RC3H1: variants seen among roughly 807,000 people sequenced by gnomAD.
RC3H1 encodes roquin-1.
RC3H1 carries 50 observed loss-of-function variants against 138.2 expected under a neutral mutation model. That is an observed-to-expected ratio of 0.36 (90% CI 0.29 to 0.46). The LOEUF (loss-of-function observed/expected upper bound fraction) is 0.46. RC3H1 is among the 20% of genes least tolerant of loss of function. The pLI, the probability that RC3H1 is intolerant of heterozygous loss-of-function variation, is 1.00. For missense variants in RC3H1, 1,031 were observed against 1,388.1 expected (o/e 0.74, Z 4.09); for synonymous variants, 462 against 489.1 (o/e 0.94, Z 0.73).
chr1:173,965,554 G>T (rs1317976825), intron 9 of RC3H1, among the ~76,000 whole-genome samples: 1 of 151,994 alleles, frequency 6.6e-6, no homozygotes, highest in East Asian at 1.9e-4. Flanking sequence ...TCACACCACT[G>T]AACTCCAGCC....
chr1:173,956,380 T>C (rs556327554), intron 13 of RC3H1, among the ~76,000 whole-genome samples: 69 of 152,208 alleles, frequency 4.5e-4, no homozygotes, highest in African/African-American at 1.5e-3. Context: ...CCTGCTTTCA[T>C]CATTGCATAT....
rs532350300 is a variant in RC3H1 at position 173,949,969 on chromosome 1, C to T, written c.2523+2017G>A. On this transcript the variant is annotated intron_variant, in intron 14 of 19. Transcript: ENST00000367696. ...AGCACCTGAAGTCAGGAGTTCGAGA[C>T]GAGCCTGACCAATATGGTGAAACTC... Among the ~76,000 whole-genome samples, 362 of 152,058 alleles carry T rather than the reference C, an allele frequency of 2.4e-3. 1 individual carries two copies. Among genetic ancestry groups the T allele is most frequent in the Middle Eastern group, 3.4e-3 (1 of 294 alleles).
chr1:173,946,135 C>T (rs1482823186), intron 17 of RC3H1, among the ~76,000 whole-genome samples: 1 of 151,966 alleles, frequency 6.6e-6, no homozygotes, highest in Non-Finnish European at 1.5e-5. Flanking sequence ...CGCCACCTCA[C>T]TCCAGCCTGG....
intron 2 of RC3H1, among the ~76,000 whole-genome samples, chr1:173,990,839 T>A (rs920548915): frequency 6.6e-6 from 1 of 151,850 alleles, no homozygotes; most frequent in African/African-American, 2.4e-5. Context: ...CCTGACCTCG[T>A]GATCCACCCG....
rs1352621014 is a variant in RC3H1, at chr1:174,021,745, C to G, written c.-151+351G>C. Among the ~76,000 whole-genome samples the G allele has an allele frequency of 2.6e-5, 4 of 152,328 alleles. No individual in the cohort carries two copies. In the East Asian group the frequency reaches 5.8e-4, roughly 22 times the overall value. On this transcript the variant is annotated intron_variant, in intron 1 of 19. Coordinates refer to ENST00000367696, the MANE Select transcript of RC3H1 (RefSeq NM_172071.4). ...AGGGGTCCAAAAAGCAGTTCCCGTG[C>G]GCATTCCCCGCCTGGCCCAGGCCCT... is the stretch of plus-strand genomic sequence containing the variant.
intron 1 of RC3H1, among the ~76,000 whole-genome samples, chr1:174,003,939 G>T (rs1209369246): frequency 6.6e-6 from 1 of 151,590 alleles, no homozygotes. Flanking sequence ...GAGATTACAG[G>T]CATAAGCCAC....
rs58202123 is a variant in RC3H1, at chr1:173,999,094, T to TAAA, written c.-150-5962_-150-5960dup. Among the ~76,000 whole-genome samples, 192 of 145,366 alleles carry TAAA rather than the reference T, an allele frequency of 1.3e-3. 2 individuals carry two copies. The highest frequency in any genetic ancestry group is 7.2e-3 in the Middle Eastern group (2 of 276). On this transcript the variant is annotated intron_variant, in intron 1 of 19. Coordinates refer to ENST00000367696, the MANE Select transcript of RC3H1 (RefSeq NM_172071.4). ...GGGCAACACAGAGAAACCCCATCTCTAAAAAAAAAAACTGTTGGGCGTGGT... is the reference window on the plus strand; with the variant it reads ...GGGCAACACAGAGAAACCCCATCTCTAAAAAAAAAAAAAACTGTTGGGCGTGGT...
At chr1:174,014,676 T>C (rs957576770) in intron 1 of RC3H1, among the ~76,000 whole-genome samples, 1 of 152,166 alleles carries the variant, frequency 6.6e-6, no homozygotes, top group African/African-American at 2.4e-5. Flanking sequence ...TCATTAAAGG[T>C]GTCAGGTACT....
chr1:173,980,520 T>C (rs541113943), intron 6 of RC3H1, among the ~76,000 whole-genome samples: 106 of 152,226 alleles, frequency 7.0e-4, no homozygotes, highest in African/African-American at 2.5e-3. Flanking sequence ...CTCTTACTAT[T>C]TGACTCTATT....
intron 2 of RC3H1, among the ~76,000 whole-genome samples, chr1:173,990,953 G>C (rs1380520933): frequency 6.6e-6 from 1 of 152,164 alleles, no homozygotes; most frequent in African/African-American, 2.4e-5. Flanking sequence ...ACACTAGCTG[G>C]GTACGGTGGC....
At chr1:174,007,124 TCACGCCTGTAATCC>T in intron 1 of RC3H1, among the ~76,000 whole-genome samples, 1 of 152,318 alleles carries the variant, frequency 6.6e-6, no homozygotes, top group South Asian at 2.1e-4. Context: ...GCGCAGTGGC[TCACGCCTGTAATCC>T]CAGCACTTTG....
At chr1:174,000,429 A>C (rs1310750340) in intron 1 of RC3H1, among the ~76,000 whole-genome samples, 1 of 152,230 alleles carries the variant, frequency 6.6e-6, no homozygotes, top group Non-Finnish European at 1.5e-5. Flanking sequence ...CTGAGGCATT[A>C]CTATGCCCAT....
chr1:174,004,544 G>C (rs12752634), intron 1 of RC3H1, among the ~76,000 whole-genome samples: 46 of 151,888 alleles, frequency 3.0e-4, no homozygotes, highest in African/African-American at 1.0e-3. Flanking sequence ...AGTGGCTCAT[G>C]CCTATAATCC....
At chr1:173,976,326 AT>A (rs1557938485) in intron 7 of RC3H1, among the ~76,000 whole-genome samples, 1 of 151,828 alleles carries the variant, frequency 6.6e-6, no homozygotes, top group Admixed American at 6.6e-5. Flanking sequence ...AATTAGCTGG[AT>A]GTGGTGGTAC....
intron 1 of RC3H1, among the ~76,000 whole-genome samples, chr1:174,014,471 A>C (rs1661822324): frequency 6.6e-6 from 1 of 152,228 alleles, no homozygotes; most frequent in African/African-American, 2.4e-5. Flanking sequence ...TGGGAAGAAA[A>C]TGAGAATGGC....
chr1:174,010,787 T>C (rs1661736552), intron 1 of RC3H1, among the ~76,000 whole-genome samples: 1 of 152,138 alleles, frequency 6.6e-6, no homozygotes, highest in Non-Finnish European at 1.5e-5. Flanking sequence ...CTACATCAAA[T>C]TCTTCCATGA....
rs1660344863 is a variant in RC3H1 at position 173,971,165 on chromosome 1, T to C, written c.1222-548A>G. Among the ~76,000 whole-genome samples, 4 of 152,056 alleles carry C rather than the reference T, an allele frequency of 2.6e-5. 1 individual carries two copies. The South Asian group carries it at 8.3e-4, about 32-fold the overall frequency. ...TTAGTAGAGACAGGGTTTCATCATGTTAGCCAGGCTGGTCTCAAACTCCTG... is the reference window on the plus strand; with the variant it reads ...TTAGTAGAGACAGGGTTTCATCATGCTAGCCAGGCTGGTCTCAAACTCCTG... On this transcript the variant is annotated intron_variant, in intron 8 of 19. Transcript: ENST00000367696.
At chr1:173,993,178 T>C in intron 1 of RC3H1, 43 bp from the exon 2 acceptor site, 3 of 566,880 alleles carry the variant, frequency 5.3e-6, no homozygotes, top group Non-Finnish European at 9.4e-6. Context: ...GTCTTTCTTT[T>C]CAATTAAACT....
At chr1:173,984,373 G>A in intron 3 of RC3H1, 126 bp downstream of exon 3, 1 of 783,496 alleles carries the variant, frequency 1.3e-6, no homozygotes, top group East Asian at 2.8e-5. Context: ...ACTTAGTATG[G>A]ATAATTGCAT....
Sources: allele counts gnomAD v4.1 joint callset (sites outside exome capture counted in the v4.1 genomes callset), GRCh38; gene constraint gnomAD v4.1.1; transcripts MANE v1.5; gene names NCBI Gene and HGNC (gene_info 2026-07-23, HGNC 2026-07-21).